FBXO36: variants seen among roughly 807,000 people sequenced by gnomAD.
The protein encoded by FBXO36 is F-box protein 36.
In FBXO36, 18 loss-of-function variants were observed where a neutral mutation model predicts 17.0. The observed-to-expected ratio is 1.06, with a 90% CI of 0.73 to 1.57. The LOEUF is 1.57. Ranked by LOEUF, FBXO36 falls within the 40% of genes most tolerant of loss-of-function variation. The pLI is 0.00. For missense variants in FBXO36, 229 were observed against 221.9 expected, an observed-to-expected ratio of 1.03 and a Z score of -0.20; for synonymous variants, 83 against 85.3, an observed-to-expected ratio of 0.97 and a Z score of 0.15.
intron 1 of FBXO36, among the ~76,000 whole-genome samples, chr2:229,956,293 T>C (rs2077086756): frequency 6.6e-6 from 1 of 152,232 alleles, no homozygotes; most frequent in African/African-American, 2.4e-5. Context: ...TCTTGCTGTG[T>C]CCTGCCATGG....
At chr2:229,948,320 T>G (rs2077038121) in intron 1 of FBXO36, among the ~76,000 whole-genome samples, 1 of 152,136 alleles carries the variant, frequency 6.6e-6, no homozygotes, top group South Asian at 2.1e-4. Flanking sequence ...AAGTAACGAA[T>G]TGCTTTTAGA....
chr2:229,956,082 A>G (rs1288811117), intron 1 of FBXO36, among the ~76,000 whole-genome samples: 4 of 152,254 alleles, frequency 2.6e-5, no homozygotes, highest in Non-Finnish European at 4.4e-5. Flanking sequence ...TTAGCCACTC[A>G]GTAAAATCTA....
intron 2 of FBXO36, among the ~76,000 whole-genome samples, chr2:229,996,076 G>A (rs2077325548): frequency 6.6e-6 from 1 of 151,606 alleles, no homozygotes; most frequent in East Asian, 1.9e-4. Context: ...AGGAGTTCTA[G>A]ACCAGCCTGG....
chr2:229,938,713 C>T (rs1209562905), intron 1 of FBXO36, among the ~76,000 whole-genome samples: 1 of 149,196 alleles, frequency 6.7e-6, no homozygotes, highest in Non-Finnish European at 1.5e-5. Flanking sequence ...CTCAAGCCAC[C>T]GCGCCCGGCC....
At chr2:229,962,165 A>G (rs1404743873) in intron 1 of FBXO36, among the ~76,000 whole-genome samples, 1 of 151,758 alleles carries the variant, frequency 6.6e-6, no homozygotes, top group Non-Finnish European at 1.5e-5. Context: ...CCTGGGTGAC[A>G]GAGTATCTCA....
chr2:229,996,659 GA>G, intron 2 of FBXO36, 91 bp from the exon 3 acceptor site: 4 of 1,376,046 alleles, frequency 2.9e-6, no homozygotes, highest in Non-Finnish European at 3.9e-6. Flanking sequence ...ACTCCCAGGG[GA>G]AAAATGCCCT....
At chr2:229,988,836 T>G (rs1052802643) in intron 2 of FBXO36, among the ~76,000 whole-genome samples, 4 of 149,366 alleles carry the variant, frequency 2.7e-5, no homozygotes, top group African/African-American at 9.9e-5. Flanking sequence ...CTGTTTTTTT[T>G]TTTTTTTGTT....
At chr2:229,928,037 C>A (rs910069245) in intron 1 of FBXO36, among the ~76,000 whole-genome samples, 3 of 152,194 alleles carry the variant, frequency 2.0e-5, no homozygotes, top group African/African-American at 7.2e-5. Context: ...TGCACACACC[C>A]TTTGACCCAG....
chr2:229,962,441 C>G (rs2077127308), intron 1 of FBXO36, among the ~76,000 whole-genome samples: 1 of 151,778 alleles, frequency 6.6e-6, no homozygotes, highest in African/African-American at 2.4e-5. Flanking sequence ...CGCAATCCTC[C>G]TATTTCTGCC....
At chr2:229,998,857 C>A (rs2077341801) in intron 3 of FBXO36, among the ~76,000 whole-genome samples, 1 of 147,146 alleles carries the variant, frequency 6.8e-6, no homozygotes, top group African/African-American at 2.5e-5. Context: ...GGCTGAAGTG[C>A]AGTGGCGCGA....
intron 2 of FBXO36, among the ~76,000 whole-genome samples, chr2:229,993,981 C>T (rs1367053962): frequency 2.6e-5 from 4 of 151,800 alleles, no homozygotes; most frequent in Non-Finnish European, 5.9e-5. Flanking sequence ...ACTGTGTTAG[C>T]CAGGTTGGTC....
chr2:229,992,700 C>A (rs1376035794), intron 2 of FBXO36, among the ~76,000 whole-genome samples: 3 of 152,180 alleles, frequency 2.0e-5, no homozygotes, highest in Non-Finnish European at 2.9e-5. Flanking sequence ...AACGTAATGA[C>A]TTAAAACTAT....
chr2:229,924,739 A>G (rs767285586), intron 1 of FBXO36, among the ~76,000 whole-genome samples: 19 of 150,498 alleles, frequency 1.3e-4, no homozygotes, highest in Non-Finnish European at 2.5e-4. Context: ...TCTCAAGTCT[A>G]ACTTAGGCGC....
At chr2:229,986,776 C>G (rs2077270681) in intron 2 of FBXO36, among the ~76,000 whole-genome samples, 2 of 151,544 alleles carry the variant, frequency 1.3e-5, no homozygotes. Context: ...CTCAGGTGAT[C>G]CACCCACCTC....
chr2:230,002,206 C>CATT (rs887510701), intron 3 of FBXO36, among the ~76,000 whole-genome samples: 3 of 152,130 alleles, frequency 2.0e-5, no homozygotes, highest in African/African-American at 7.2e-5. Flanking sequence ...AACCATGGTA[C>CATT]ATTTATAAAA....
chr2:229,945,108 T>C (rs1426462519), intron 1 of FBXO36: 2 of 151,984 alleles, frequency 1.3e-5, no homozygotes, highest in East Asian at 3.9e-4. Flanking sequence ...CGGTAAACAA[T>C]ATTGGGCCAC....
chr2:229,939,342 C>T (rs185766538), intron 1 of FBXO36: 1 of 775,660 alleles, frequency 1.3e-6, no homozygotes, highest in South Asian at 5.9e-5. Context: ...CCTCTCGTCC[C>T]AAGATGAGTC....
chr2:229,971,928 T>G (rs534270880), intron 1 of FBXO36, among the ~76,000 whole-genome samples: 2 of 151,886 alleles, frequency 1.3e-5, no homozygotes, highest in South Asian at 4.2e-4. Context: ...TCCTCCTGCC[T>G]TGGCCTCCCA....
At chr2:229,997,162 C>T (rs2077331990) in intron 3 of FBXO36, among the ~76,000 whole-genome samples, 1 of 151,810 alleles carries the variant, frequency 6.6e-6, no homozygotes, top group African/African-American at 2.4e-5. Context: ...GATGTGTATG[C>T]AAGGTACAAA....
Sources: gnomAD v4.1 joint callset for allele counts (sites outside exome capture counted in the v4.1 genomes callset) on GRCh38, gnomAD v4.1.1 for gene constraint, MANE v1.5 for transcripts, NCBI Gene and HGNC (gene_info 2026-07-23, HGNC 2026-07-21) for gene names.